Variants in PDE4D observed in about 807,000 individuals in gnomAD.
PDE4D encodes phosphodiesterase 4D.
Under a neutral mutation model 87.4 loss-of-function variants are expected in PDE4D, and 24 were observed. That is an observed-to-expected ratio of 0.27 (90% CI 0.20 to 0.39). The LOEUF (loss-of-function observed/expected upper bound fraction) is 0.39. PDE4D is among the 10% of genes least tolerant of loss of function. PDE4D has a pLI of 1.00. For synonymous variants in PDE4D, 384 were observed against 383.2 expected (o/e 1.00, Z -0.02); for missense variants, 714 against 1,041.0 (o/e 0.69, Z 4.32).
At chr5:60,028,630 T>G (rs938705637) in intron 2 of PDE4D, among the ~76,000 whole-genome samples, 18 of 152,274 alleles carry the variant, frequency 1.2e-4, no homozygotes, top group Admixed American at 3.9e-4. Context: ...ATCCATGAAA[T>G]GCCCCTGATC....
chr5:59,642,293 A>T (rs1741713009), intron 1 of PDE4D, among the ~76,000 whole-genome samples: 1 of 152,034 alleles, frequency 6.6e-6, no homozygotes, highest in Admixed American at 6.5e-5. Flanking sequence ...TACTACTTTT[A>T]TAATTTCAAA....
chr5:59,660,765 C>T (rs921473498), intron 1 of PDE4D, among the ~76,000 whole-genome samples: 1 of 152,042 alleles, frequency 6.6e-6, no homozygotes, highest in African/African-American at 2.4e-5. Flanking sequence ...AAAATAGTTC[C>T]TGGAATATGT....
rs935389957 is a variant in PDE4D, at chr5:58,973,606, T to A, written c.*1058A>T. On this transcript the variant is annotated 3_prime_UTR_variant, in exon 15 of 15. Transcript: ENST00000340635. ...ATTTTAGCTACTGGGTATTTATATA[T>A]CTCCCACTTGCTTCAGACAACACGA... The A allele has an allele frequency of 2.0e-5, 3 of 152,586 alleles. No homozygotes were observed. Among genetic ancestry groups the A allele is most frequent in the Admixed American group, 6.6e-5 (1 of 15,264 alleles). 9.5% of individuals were successfully genotyped at this position (152,586 alleles called of 1,614,324 possible).
intron 1 of PDE4D, among the ~76,000 whole-genome samples, chr5:59,866,394 T>C (rs1747046043): frequency 6.6e-6 from 1 of 152,208 alleles, no homozygotes; most frequent in African/African-American, 2.4e-5. Flanking sequence ...TTTTCATATA[T>C]ATTGCAAATT....
chr5:59,687,342 C>T (rs1750054886), intron 1 of PDE4D, among the ~76,000 whole-genome samples: 1 of 152,124 alleles, frequency 6.6e-6, no homozygotes, highest in Admixed American at 6.5e-5. Context: ...GGTCGGGTTA[C>T]CCACAAAGGG....
intron 3 of PDE4D, among the ~76,000 whole-genome samples, chr5:59,925,313 TTATGA>T (rs1297267741): frequency 1.3e-5 from 2 of 152,152 alleles, no homozygotes; most frequent in African/African-American, 2.4e-5. Flanking sequence ...AAATAATCAG[TTATGA>T]TATGATATTT....
At chr5:59,300,681 T>TC (rs1446783060) in intron 1 of PDE4D, among the ~76,000 whole-genome samples, 35 of 151,944 alleles carry the variant, frequency 2.3e-4, no homozygotes, top group Admixed American at 1.9e-3. Context: ...ATGTGAGGTT[T>TC]CCCCCCCACA....
chr5:59,603,359 A>G (rs1827774945), intron 1 of PDE4D, among the ~76,000 whole-genome samples: 2 of 152,144 alleles, frequency 1.3e-5, no homozygotes, highest in Admixed American at 6.6e-5. Context: ...ACATTTTTCA[A>G]AAGACTTACA....
intron 1 of PDE4D, among the ~76,000 whole-genome samples, chr5:60,269,616 A>G (rs969800986): frequency 2.7e-4 from 41 of 152,234 alleles, no homozygotes; most frequent in African/African-American, 9.6e-4. Flanking sequence ...CAAAATCTCC[A>G]GAACTAGGGA....
intron 1 of PDE4D, among the ~76,000 whole-genome samples, chr5:59,769,053 G>A (rs912623992): frequency 3.3e-5 from 5 of 151,164 alleles, no homozygotes; most frequent in Admixed American, 2.6e-4. Context: ...AAAGAAAAAT[G>A]CCAATCCTTT....
intron 2 of PDE4D, among the ~76,000 whole-genome samples, chr5:60,060,047 A>G (rs965446447): frequency 1.3e-5 from 2 of 152,054 alleles, no homozygotes; most frequent in Non-Finnish European, 2.9e-5. Flanking sequence ...AGTCCAAGAT[A>G]CACAAATAAA....
intron 5 of PDE4D, among the ~76,000 whole-genome samples, chr5:59,122,668 A>T (rs1052452058): frequency 1.3e-5 from 2 of 152,226 alleles, no homozygotes; most frequent in Non-Finnish European, 2.9e-5. Flanking sequence ...ATTATGCACC[A>T]ACAAAGATAA....
intron 5 of PDE4D, among the ~76,000 whole-genome samples, chr5:59,154,770 C>G (rs1159200157): frequency 3.9e-5 from 6 of 152,040 alleles, no homozygotes; most frequent in Non-Finnish European, 8.8e-5. Flanking sequence ...CCTGTAATAC[C>G]AGCTACTTGG....
intron 6 of PDE4D, among the ~76,000 whole-genome samples, chr5:59,033,633 G>A (rs570679224): frequency 2.8e-4 from 43 of 152,224 alleles, no homozygotes; most frequent in African/African-American, 1.0e-3. Flanking sequence ...TTCTTAAACT[G>A]AACAAAAGCA....
At position 60,366,318 on chromosome 5, in the gene PDE4D, A is replaced by G. The variant is rs544326100; in HGVS notation, c.-90+121624T>C. Among the ~76,000 whole-genome samples, 59 of 152,178 alleles carry G rather than the reference A, an allele frequency of 3.9e-4. No homozygotes were observed. In the South Asian group the frequency reaches 0.012, roughly 31 times the overall value. On this transcript the variant is annotated intron_variant, in intron 1 of 16. Coordinates refer to the PDE4D transcript ENST00000502484. ...TAGGACACCAAGCAATTTGAGGCCTATTTACCCTCAAGTATAACTGCCCCA... is the reference window on the plus strand; with the variant it reads ...TAGGACACCAAGCAATTTGAGGCCTGTTTACCCTCAAGTATAACTGCCCCA...
intron 2 of PDE4D, among the ~76,000 whole-genome samples, chr5:60,138,431 CA>C (rs1780234512): frequency 6.6e-6 from 1 of 151,956 alleles, no homozygotes; most frequent in Admixed American, 6.6e-5. Context: ...AACTATTTAC[CA>C]AGATTTTCCA....
intron 1 of PDE4D, among the ~76,000 whole-genome samples, chr5:59,492,977 C>G (rs1297956672): frequency 2.6e-5 from 4 of 152,108 alleles, no homozygotes; most frequent in African/African-American, 7.2e-5. Flanking sequence ...GGAACTGAGT[C>G]CCTTAAACCT....
At chr5:59,261,286 G>T (rs2153535639) in intron 1 of PDE4D, among the ~76,000 whole-genome samples, 1 of 151,844 alleles carries the variant, frequency 6.6e-6, no homozygotes, top group East Asian at 1.9e-4. Context: ...GTTTTTGTTA[G>T]ATCCCTATTT....
At chr5:60,493,300 G>A (rs1057145650) in intron 1 of PDE4D, among the ~76,000 whole-genome samples, 10 of 152,146 alleles carry the variant, frequency 6.6e-5, no homozygotes, top group Non-Finnish European at 1.0e-4. Context: ...AACCAAAAAC[G>A]ATTTGAAGGA....
Sources: allele counts gnomAD v4.1 joint callset (sites outside exome capture counted in the v4.1 genomes callset), GRCh38; gene constraint gnomAD v4.1.1; transcripts MANE v1.5; gene names NCBI Gene and HGNC (gene_info 2026-07-23, HGNC 2026-07-21).